The following PTPRM variants were observed in gnomAD, a reference collection of about 807,000 sequenced individuals.
PTPRM encodes protein tyrosine phosphatase receptor type M.
In PTPRM, 47 loss-of-function variants were observed where a neutral mutation model predicts 186.7. The observed-to-expected ratio is 0.25, with a 90% CI of 0.20 to 0.32. PTPRM has a LOEUF of 0.32. Among genes scored for constraint, PTPRM ranks in the 10% least tolerant of loss-of-function variants. The pLI, the probability that PTPRM is intolerant of heterozygous loss-of-function variation, is 1.00. For missense variants in PTPRM, 1,494 were observed against 1,865.0 expected (o/e 0.80, Z 3.66); for synonymous variants, 668 against 674.9 (o/e 0.99, Z 0.16).
At chr18:7,746,212 C>A in intron 1 of PTPRM, among the ~76,000 whole-genome samples, 1 of 149,918 alleles carries the variant, frequency 6.7e-6, no homozygotes, top group African/African-American at 2.5e-5. Context: ...AGCTGAAAAC[C>A]AAAGACAAAG....
chr18:8,150,756 C>T (rs181466221), intron 14 of PTPRM, among the ~76,000 whole-genome samples: 173 of 152,218 alleles, frequency 1.1e-3, no homozygotes, highest in Admixed American at 3.5e-3. Flanking sequence ...AGGCTTTTTG[C>T]GCTGGTTTCT....
chr18:8,186,942 AT>A lies in PTPRM; in HGVS notation c.2300+43179del, dbSNP rs538870155. On this transcript the variant is annotated intron_variant, in intron 14 of 32. Transcript: ENST00000580170. Reference sequence around the variant, plus strand: ...GGCAAGGAGGGCCTCCCTTGGGAAGATTTTTTTTTTTTTTTTGAGACAGAGT... The same window carrying A: ...GGCAAGGAGGGCCTCCCTTGGGAAGATTTTTTTTTTTTTTTGAGACAGAGT... Among the ~76,000 whole-genome samples the A allele has an allele frequency of 6.1e-3, 882 of 143,518 alleles. 1 individual carries two copies. Among genetic ancestry groups the A allele is most frequent in the African/African-American group, 0.011 (447 of 39,674 alleles). The allele number at this position is 143,518 out of a possible 152,430, so 94.2% of individuals were successfully genotyped here.
At chr18:8,068,951 C>CA (rs1472364289) in intron 7 of PTPRM, among the ~76,000 whole-genome samples, 1 of 151,424 alleles carries the variant, frequency 6.6e-6, no homozygotes, top group Admixed American at 6.6e-5. Context: ...TACACACACA[C>CA]ACAAAAAAAT....
chr18:8,314,772 C>T lies in PTPRM; in HGVS notation c.2843-9C>T, dbSNP rs200961703. Reference sequence around the variant, plus strand: ...TTAATCGTTATTTTCTGTCCCTTTTCCTTTGCAGACGATCATTCCCGAGTG... The same window carrying T: ...TTAATCGTTATTTTCTGTCCCTTTTTCTTTGCAGACGATCATTCCCGAGTG... On this transcript the variant is annotated splice_polypyrimidine_tract_variant and intron_variant, in intron 20 of 32. Coordinates refer to ENST00000580170, the MANE Select transcript of PTPRM (RefSeq NM_001105244.2). 6.2e-7 allele frequency: 1 copy of T among 1,609,332 alleles called. No homozygotes were observed. Among genetic ancestry groups the T allele is most frequent in the Non-Finnish European group, 8.5e-7 (1 of 1,176,886 alleles).
At chr18:7,730,023 A>T (rs77274216) in intron 1 of PTPRM, among the ~76,000 whole-genome samples, 2,219 of 152,270 alleles carry the variant, frequency 0.015, 67 homozygotes, top group East Asian at 0.11. Flanking sequence ...AATCTGTTAC[A>T]CCTAGAGCCT....
chr18:7,677,151 G>A (rs572850683), intron 1 of PTPRM, among the ~76,000 whole-genome samples: 4 of 152,046 alleles, frequency 2.6e-5, no homozygotes, highest in Admixed American at 6.5e-5. Flanking sequence ...TGCAACAGTG[G>A]TGTAAAACCA....
intron 19 of PTPRM, among the ~76,000 whole-genome samples, chr18:8,287,020 A>T (rs2094964188): frequency 1.3e-5 from 2 of 151,946 alleles, no homozygotes; most frequent in Non-Finnish European, 2.9e-5. Context: ...GATGGAGTTT[A>T]TGTGCTCTGA....
At chr18:7,707,098 T>A (rs2040111020) in intron 1 of PTPRM, among the ~76,000 whole-genome samples, 1 of 152,194 alleles carries the variant, frequency 6.6e-6, no homozygotes, top group African/African-American at 2.4e-5. Context: ...AGGTAGTTTT[T>A]AAAACCTGCC....
chr18:7,620,045 G>C (rs2037900014), intron 1 of PTPRM, among the ~76,000 whole-genome samples: 1 of 152,174 alleles, frequency 6.6e-6, no homozygotes, highest in Admixed American at 6.5e-5. Context: ...GCATGACTTA[G>C]CCTGCCCCGA....
At chr18:8,149,280 G>A (rs551912025) in intron 14 of PTPRM, among the ~76,000 whole-genome samples, 7 of 152,296 alleles carry the variant, frequency 4.6e-5, no homozygotes, top group South Asian at 4.1e-4. Context: ...TATTATGTGG[G>A]AATCTAAGTC....
chr18:8,097,421 G>A (rs1029109086), intron 11 of PTPRM, among the ~76,000 whole-genome samples: 1 of 152,096 alleles, frequency 6.6e-6, no homozygotes, highest in Admixed American at 6.6e-5. Flanking sequence ...CACTCAATGA[G>A]AAGTAGTAAG....
intron 2 of PTPRM, among the ~76,000 whole-genome samples, chr18:7,823,700 A>G (rs1293549760): frequency 1.3e-5 from 2 of 152,132 alleles, no homozygotes; most frequent in African/African-American, 4.8e-5. Context: ...TCGAACTCCA[A>G]GTTCTTTGGC....
At chr18:8,104,541 C>T (rs1054378998) in intron 11 of PTPRM, among the ~76,000 whole-genome samples, 1 of 152,144 alleles carries the variant, frequency 6.6e-6, no homozygotes, top group Non-Finnish European at 1.5e-5. Flanking sequence ...AATTCCTTGG[C>T]TCAAGCGATC....
At chr18:7,724,102 C>T (rs2040500756) in intron 1 of PTPRM, among the ~76,000 whole-genome samples, 1 of 151,864 alleles carries the variant, frequency 6.6e-6, no homozygotes, top group Admixed American at 6.6e-5. Flanking sequence ...GAGGTGTAAA[C>T]TCCTGGAGGA....
At chr18:8,289,415 CATAT>C (rs576165886) in intron 19 of PTPRM, among the ~76,000 whole-genome samples, 1 of 132,664 alleles carries the variant, frequency 7.5e-6, no homozygotes, top group Non-Finnish European at 1.6e-5. Context: ...TATATATACA[CATAT>C]ATACGTATAT....
intron 7 of PTPRM, among the ~76,000 whole-genome samples, chr18:7,977,240 C>T (rs1290930336): frequency 6.6e-6 from 1 of 152,056 alleles, no homozygotes; most frequent in Non-Finnish European, 1.5e-5. Context: ...CAGGCACCTG[C>T]CACCACGCCC....
intron 19 of PTPRM, among the ~76,000 whole-genome samples, chr18:8,257,670 A>G (rs1300671000): frequency 3.9e-5 from 6 of 152,322 alleles, no homozygotes; most frequent in Non-Finnish European, 7.3e-5. Flanking sequence ...TGGGGATAAA[A>G]TCTAAAGAAT....
At chr18:8,043,480 T>C (rs1219055692) in intron 7 of PTPRM, among the ~76,000 whole-genome samples, 2 of 152,226 alleles carry the variant, frequency 1.3e-5, no homozygotes, top group East Asian at 3.8e-4. Flanking sequence ...ATCTTTATTA[T>C]ATGCTTGCTA....
intron 14 of PTPRM, among the ~76,000 whole-genome samples, chr18:8,172,810 C>A (rs1001420109): frequency 3.3e-5 from 5 of 152,114 alleles, no homozygotes; most frequent in African/African-American, 1.2e-4. Context: ...GCTTTAAGAT[C>A]ATCTCACCAG....
Sources: gnomAD v4.1 joint callset for allele counts (sites outside exome capture counted in the v4.1 genomes callset) on GRCh38, gnomAD v4.1.1 for gene constraint, MANE v1.5 for transcripts, NCBI Gene and HGNC (gene_info 2026-07-23, HGNC 2026-07-21) for gene names.